The following RPTOR variants were observed in gnomAD, a reference collection of about 807,000 sequenced individuals.
The protein encoded by RPTOR is regulatory-associated protein of mTOR.
Under a neutral mutation model 169.9 loss-of-function variants are expected in RPTOR, and 21 were observed. The observed-to-expected ratio is 0.12, with a 90% CI of 0.09 to 0.18. The LOEUF is 0.18. Ranked by LOEUF, RPTOR falls within the 10% of genes least tolerant of loss-of-function variation. RPTOR has a pLI of 1.00. For synonymous variants in RPTOR, 732 were observed against 753.2 expected (o/e 0.97, Z 0.46); for missense variants, 1,133 against 1,855.9 (o/e 0.61, Z 7.16).
intron 7 of RPTOR, among the ~76,000 whole-genome samples, chr17:80,796,318 C>G (rs2067101003): frequency 6.6e-6 from 1 of 152,214 alleles, no homozygotes; most frequent in Non-Finnish European, 1.5e-5. Flanking sequence ...AGCTGAAGAA[C>G]TTGGAGACAC....
chr17:80,576,341 A>G (rs2064963104), intron 1 of RPTOR, among the ~76,000 whole-genome samples: 1 of 152,180 alleles, frequency 6.6e-6, no homozygotes, highest in Admixed American at 6.5e-5. Context: ...TTTCTCTTGT[A>G]ATGGTTTCTT....
intron 3 of RPTOR, among the ~76,000 whole-genome samples, chr17:80,671,520 C>T (rs117132299): frequency 1.0e-3 from 156 of 152,186 alleles, no homozygotes; most frequent in Non-Finnish European, 1.8e-3. Flanking sequence ...GTTTTTGTAA[C>T]GATTTTCGAC....
chr17:80,811,533 G>A (rs892294923), intron 7 of RPTOR, among the ~76,000 whole-genome samples: 4 of 151,898 alleles, frequency 2.6e-5, no homozygotes, highest in East Asian at 1.9e-4. Flanking sequence ...AGACAGCCAC[G>A]CCCTCTCCAA....
chr17:80,909,686 TAGC>T (rs2068588920), intron 21 of RPTOR: 1 of 152,028 alleles, frequency 6.6e-6, no homozygotes, highest in Non-Finnish European at 1.5e-5. Flanking sequence ...CCCTTTCTGA[TAGC>T]AGTAATTTTT....
At chr17:80,680,898 CCAG>C (rs1181472216) in intron 3 of RPTOR, among the ~76,000 whole-genome samples, 2 of 152,108 alleles carry the variant, frequency 1.3e-5, no homozygotes, top group African/African-American at 4.8e-5. Flanking sequence ...CTCTCTAGAC[CCAG>C]CAGATGGGCT....
chr17:80,672,854 C>T (rs910432714), intron 3 of RPTOR, among the ~76,000 whole-genome samples: 1 of 152,066 alleles, frequency 6.6e-6, no homozygotes, highest in Non-Finnish European at 1.5e-5. Flanking sequence ...TTGTAAATGA[C>T]GATACCACCC....
At chr17:80,691,459 C>T (rs569390812) in intron 3 of RPTOR, among the ~76,000 whole-genome samples, 23 of 149,882 alleles carry the variant, frequency 1.5e-4, no homozygotes, top group African/African-American at 3.9e-4. Flanking sequence ...TGTGTGTGCA[C>T]GCATGTCAGT....
At chr17:80,748,643 G>A (rs376636932) in intron 5 of RPTOR, among the ~76,000 whole-genome samples, 1 of 100,112 alleles carries the variant, frequency 1.0e-5, no homozygotes, top group Non-Finnish European at 2.0e-5. Context: ...AGGCCGTGGC[G>A]AGAGGACCTG....
chr17:80,734,716 A>G (rs1321633818), intron 5 of RPTOR, among the ~76,000 whole-genome samples: 2 of 152,106 alleles, frequency 1.3e-5, no homozygotes, highest in Non-Finnish European at 2.9e-5. Flanking sequence ...AGTGCTGGCC[A>G]CAGCTGTCTC....
At position 80,878,450 on chromosome 17, in the gene RPTOR, G is replaced by A. The variant is rs1285110058; in HGVS notation, c.1510-1965G>A. 6.6e-6 allele frequency among the ~76,000 whole-genome samples: 1 copy of A among 151,962 alleles called. No homozygotes were observed. Among genetic ancestry groups the A allele is most frequent in the African/African-American group, 2.4e-5 (1 of 41,356 alleles). On this transcript the variant is annotated intron_variant, in intron 13 of 33. Coordinates refer to ENST00000306801, the MANE Select transcript of RPTOR (RefSeq NM_020761.3). The surrounding 1 kb of genome is among the most constrained non-coding windows in gnomAD (Gnocchi z 4.1). ...CAGCCTCCGCCTCCCAGGTTCCAGC[G>A]ATTCTCCTGCCTCAGCCTCCCGAGT...
intron 6 of RPTOR, chr17:80,774,456 G>A: frequency 2.9e-6 from 2 of 682,010 alleles, no homozygotes; most frequent in Non-Finnish European, 1.8e-6. Flanking sequence ...ACATCACTGT[G>A]TTACTGATGA....
At chr17:80,777,056 T>C (rs1289155006) in intron 6 of RPTOR, among the ~76,000 whole-genome samples, 3 of 152,076 alleles carry the variant, frequency 2.0e-5, no homozygotes, top group Non-Finnish European at 2.9e-5. Flanking sequence ...CTGACCAACA[T>C]GGAGAAACCC....
At chr17:80,849,653 G>A (rs2067771804) in intron 11 of RPTOR, among the ~76,000 whole-genome samples, 1 of 152,104 alleles carries the variant, frequency 6.6e-6, no homozygotes, top group Admixed American at 6.5e-5. Flanking sequence ...CAAGTAGCTG[G>A]GATTACAGGC....
chr17:80,577,095 G>A (rs1458386120), intron 1 of RPTOR, among the ~76,000 whole-genome samples: 1 of 150,224 alleles, frequency 6.7e-6, no homozygotes, highest in African/African-American at 2.5e-5. Flanking sequence ...GCAGTGGCAC[G>A]ATCTCAGCTC....
chr17:80,645,201 G>A (rs1220654466), intron 3 of RPTOR, among the ~76,000 whole-genome samples: 2 of 152,130 alleles, frequency 1.3e-5, no homozygotes, highest in East Asian at 1.9e-4. Context: ...ATGGTGAGAC[G>A]GGCACTTGCA....
At chr17:80,916,554 C>T (rs575096013) in intron 21 of RPTOR, among the ~76,000 whole-genome samples, 32 of 152,360 alleles carry the variant, frequency 2.1e-4, no homozygotes, top group African/African-American at 7.2e-4. Flanking sequence ...GCCTGCCAGG[C>T]TGAATGGGCA....
chr17:80,934,074 A>G (rs532754786), intron 24 of RPTOR, among the ~76,000 whole-genome samples: 7 of 151,116 alleles, frequency 4.6e-5, no homozygotes, highest in Non-Finnish European at 1.0e-4. Flanking sequence ...ATTCCTTGGA[A>G]GAGATTACTA....
intron 10 of RPTOR, among the ~76,000 whole-genome samples, chr17:80,842,226 A>G (rs1278944516): frequency 6.6e-6 from 1 of 152,250 alleles, no homozygotes; most frequent in Non-Finnish European, 1.5e-5. Flanking sequence ...GAATTCTGTG[A>G]TATTGGTCCT....
At position 80,803,693 on chromosome 17, in the gene RPTOR, G is replaced by A. The variant is rs2067186985; in HGVS notation, c.890+12184G>A. 1 of 152,292 alleles carries A rather than the reference G, an allele frequency of 6.6e-6. No individual in the cohort carries two copies. The highest frequency in any genetic ancestry group is 1.5e-5 in the Non-Finnish European group (1 of 68,090). 9.4% of individuals were successfully genotyped at this position (152,292 alleles called of 1,614,324 possible). ...TGCTGCGGACTGGCTGTGTGCTAGG[G>A]CCTGTCCGAGGCTCTGGAGCCAAGT... On this transcript the variant is annotated intron_variant, in intron 7 of 33. Coordinates refer to ENST00000306801, the MANE Select transcript of RPTOR (RefSeq NM_020761.3). This position sits in a 1 kb window ranked among gnomAD's most constrained non-coding sequence, Gnocchi z 6.2.
Sources: gnomAD v4.1 joint callset for allele counts (sites outside exome capture counted in the v4.1 genomes callset) on GRCh38, gnomAD v4.1.1 for gene constraint, Gnocchi (gnomAD v3.1) non-coding constraint, MANE v1.5 for transcripts, NCBI Gene and HGNC (gene_info 2026-07-23, HGNC 2026-07-21) for gene names.